ZPBP: variants seen among roughly 807,000 people sequenced by gnomAD.
The protein encoded by ZPBP is zona pellucida binding protein.
Under a neutral mutation model 44.8 loss-of-function variants are expected in ZPBP, and 26 were observed. That is an observed-to-expected ratio of 0.58 (90% CI 0.43 to 0.81). The LOEUF is 0.81. Among genes scored for constraint, ZPBP ranks in the 30% least tolerant of loss-of-function variants. The pLI is 0.00. For missense variants in ZPBP, 409 were observed against 434.0 expected, an observed-to-expected ratio of 0.94 and a Z score of 0.51; for synonymous variants, 174 against 153.2, an observed-to-expected ratio of 1.14 and a Z score of -1.00.
chr7:50,077,415 A>G (rs1802149506), intron 3 of ZPBP, among the ~76,000 whole-genome samples: 1 of 151,870 alleles, frequency 6.6e-6, no homozygotes, highest in Admixed American at 6.6e-5. Flanking sequence ...CAAGTTAAAA[A>G]GGTTTTGCAT....
intron 1 of ZPBP, chr7:49,917,406 A>G (rs1230578842): frequency 6.6e-6 from 1 of 152,232 alleles, no homozygotes; most frequent in Non-Finnish European, 1.5e-5. Flanking sequence ...TAGAATTAGG[A>G]AACTTAAATG....
At chr7:49,907,715 G>A (rs6583397) in intron 1 of ZPBP, among the ~76,000 whole-genome samples, 112,038 of 152,070 alleles carry the variant, frequency 0.74, 41,481 homozygotes, top group East Asian at 0.89. Context: ...TGAAAGGTGG[G>A]ACAACTAAAA....
chr7:49,885,791 A>G (rs1323535469), intron 2 of ZPBP, among the ~76,000 whole-genome samples: 1 of 152,220 alleles, frequency 6.6e-6, no homozygotes, highest in Non-Finnish European at 1.5e-5. Flanking sequence ...TGCGGCCTGG[A>G]CCACTAGCAC....
intron 1 of ZPBP, among the ~76,000 whole-genome samples, chr7:49,911,480 CA>C (rs34782644): frequency 0.062 from 4,429 of 71,376 alleles, 67 homozygotes; most frequent in Admixed American, 0.21. Flanking sequence ...GACTCTGTCT[CA>C]AAAAAAAAAA....
At chr7:49,999,737 T>G (rs79695462) in intron 6 of ZPBP, among the ~76,000 whole-genome samples, 6,772 of 152,200 alleles carry the variant, frequency 0.044, 153 homozygotes, top group Middle Eastern at 0.061. Flanking sequence ...AAGTTCTCAG[T>G]GGAGTGGATG....
intron 2 of ZPBP, among the ~76,000 whole-genome samples, chr7:49,891,582 C>A (rs1792129956): frequency 6.6e-6 from 1 of 152,182 alleles, no homozygotes; most frequent in Non-Finnish European, 1.5e-5. Context: ...GATACTATTG[C>A]ACATCCGCCA....
At chr7:50,025,892 A>G (rs766532851) in intron 5 of ZPBP, among the ~76,000 whole-genome samples, 41 of 151,948 alleles carry the variant, frequency 2.7e-4, no homozygotes, top group Non-Finnish European at 5.2e-4. Flanking sequence ...AATTTCAAAT[A>G]TAAGTGGTTT....
intron 2 of ZPBP, among the ~76,000 whole-genome samples, chr7:49,872,723 T>C (rs1427997594): frequency 1.4e-5 from 2 of 138,726 alleles, no homozygotes; most frequent in Non-Finnish European, 3.1e-5. Context: ...CTGGCCAACA[T>C]AGTGAAACCC....
Position 50,069,390 on chromosome 7 carries a change from C to A in ZPBP, c.335-11249G>T, listed in dbSNP as rs1023702298. Among the ~76,000 whole-genome samples, 3 of 152,160 alleles carry A rather than the reference C, an allele frequency of 2.0e-5. No individual in the cohort carries two copies. The East Asian group carries it at 5.8e-4, about 29-fold the overall frequency. ...CCCTTTAACTCTGTAGCTGCCAGCA[C>A]AGCTAGTTTCTCTTGGCGTGAGCTG... On this transcript the variant is annotated intron_variant, in intron 3 of 7. Transcript: ENST00000046087.
chr7:50,081,360 G>GT (rs1462227789), intron 3 of ZPBP, among the ~76,000 whole-genome samples: 1 of 151,638 alleles, frequency 6.6e-6, no homozygotes, highest in African/African-American at 2.4e-5. Flanking sequence ...GTTAACTGTA[G>GT]TTTTTTAAAA....
intron 2 of ZPBP, among the ~76,000 whole-genome samples, chr7:49,854,043 C>T (rs2128717665): frequency 6.6e-6 from 1 of 151,598 alleles, no homozygotes; most frequent in East Asian, 1.9e-4. Context: ...AGGACATGAA[C>T]TCATCCTTTT....
At chr7:49,981,361 A>ATATATTT (rs1486770368) in intron 7 of ZPBP, among the ~76,000 whole-genome samples, 1 of 7,172 alleles carries the variant, frequency 1.4e-4, no homozygotes, top group African/African-American at 4.4e-4. Context: ...TATATATTAT[A>ATATATTT]TATAATTATA....
chr7:49,992,736 C>T (rs1343563349), intron 6 of ZPBP, among the ~76,000 whole-genome samples: 2 of 152,010 alleles, frequency 1.3e-5, no homozygotes, highest in Non-Finnish European at 2.9e-5. Flanking sequence ...ATGTAGAAAA[C>T]GGAATTTTCA....
intron 2 of ZPBP, among the ~76,000 whole-genome samples, chr7:49,895,019 G>A (rs1792315222): frequency 6.6e-6 from 1 of 152,188 alleles, no homozygotes; most frequent in African/African-American, 2.4e-5. Flanking sequence ...GATACTATAT[G>A]TCTAAGTCCA....
chr7:49,966,311 A>T (rs1299753129), intron 7 of ZPBP, among the ~76,000 whole-genome samples: 4 of 152,082 alleles, frequency 2.6e-5, no homozygotes, highest in African/African-American at 9.7e-5. Context: ...CCCATTCTCT[A>T]TCTCTGTCTC....
At chr7:49,986,580 CA>C (rs1797293158) in intron 6 of ZPBP, among the ~76,000 whole-genome samples, 1 of 152,186 alleles carries the variant, frequency 6.6e-6, no homozygotes, top group Non-Finnish European at 1.5e-5. Context: ...GAACCATTCG[CA>C]TAAGAATAAG....
In ZPBP at chr7:50,002,867, C is replaced by T. The variant is rs576832702; in HGVS notation, c.783+15373G>A. ...TATAAGAATATCAAAATTCCCAGCA[C>T]CCAACAAGGTAAAAATCACAGTATT... On this transcript the variant is annotated intron_variant, in intron 6 of 7. Transcript: ENST00000046087. 3.9e-5 allele frequency among the ~76,000 whole-genome samples: 6 copies of T among 152,182 alleles called. No individual in the cohort carries two copies. In the East Asian group the frequency reaches 1.2e-3, roughly 29 times the overall value.
At chr7:50,028,658 T>TAA in intron 5 of ZPBP, among the ~76,000 whole-genome samples, 1 of 148,050 alleles carries the variant, frequency 6.8e-6, no homozygotes, top group Admixed American at 6.8e-5. Flanking sequence ...CAATCCATTT[T>TAA]AAAAAAAAAA....
intron 3 of ZPBP, among the ~76,000 whole-genome samples, chr7:50,063,000 G>A (rs1256275516): frequency 6.6e-6 from 1 of 151,530 alleles, no homozygotes; most frequent in Non-Finnish European, 1.5e-5. Context: ...GGAGATCAAT[G>A]CAGGGGGAAG....
Sources: allele counts gnomAD v4.1 joint callset (sites outside exome capture counted in the v4.1 genomes callset), GRCh38; gene constraint gnomAD v4.1.1; transcripts MANE v1.5; gene names NCBI Gene and HGNC (gene_info 2026-07-23, HGNC 2026-07-21).